ZMPSTE24: variants seen among roughly 807,000 people sequenced by gnomAD.
ZMPSTE24 encodes the protein zinc metallopeptidase STE24.
In ZMPSTE24, 48 loss-of-function variants were observed where a neutral mutation model predicts 56.7. The ratio of observed to expected loss-of-function variants is 0.85; its 90% CI spans 0.67 to 1.08. ZMPSTE24 has a LOEUF of 1.08. Among genes scored for constraint, ZMPSTE24 ranks in the 50% least tolerant of loss-of-function variants. The pLI, the probability that ZMPSTE24 is intolerant of heterozygous loss-of-function variation, is 0.00. For synonymous variants in ZMPSTE24, 172 were observed against 195.2 expected (o/e 0.88, Z 0.99); for missense variants, 503 against 548.7 (o/e 0.92, Z 0.83).
chr1:40,260,803 CTA>C, intron 1 of ZMPSTE24, 34 bp from the exon 2 acceptor site: 3 of 1,597,882 alleles, frequency 1.9e-6, no homozygotes, highest in Non-Finnish European at 2.6e-6. Context: ...TAATAAACAA[CTA>C]TTTCACTAAA....
intron 5 of ZMPSTE24, among the ~76,000 whole-genome samples, chr1:40,270,511 GAGAA>G (rs1643603479): frequency 6.6e-6 from 1 of 152,284 alleles, no homozygotes; most frequent in South Asian, 2.1e-4. Flanking sequence ...AGAGGGACAA[GAGAA>G]AGAAAGCATA....
chr1:40,281,198 G>C, intron 6 of ZMPSTE24, 145 bp from the exon 7 acceptor site: 2 of 822,846 alleles, frequency 2.4e-6, no homozygotes, highest in Non-Finnish European at 3.9e-6. Context: ...TGCTGGTGGT[G>C]AATTATGTTG....
At chr1:40,270,436 T>G (rs1346894625) in intron 5 of ZMPSTE24, among the ~76,000 whole-genome samples, 1 of 152,314 alleles carries the variant, frequency 6.6e-6, no homozygotes, top group African/African-American at 2.4e-5. Context: ...GTGTGATAAT[T>G]TAATGACTCC....
At chr1:40,287,826 C>G (rs1643802767) in intron 8 of ZMPSTE24, among the ~76,000 whole-genome samples, 1 of 152,056 alleles carries the variant, frequency 6.6e-6, no homozygotes, top group African/African-American at 2.4e-5. Flanking sequence ...ATCATGTTGA[C>G]TAGTTCTGAG....
At chr1:40,273,535 AAAATATATATAT>A (rs1471410488) in intron 6 of ZMPSTE24, among the ~76,000 whole-genome samples, 3 of 45,486 alleles carry the variant, frequency 6.6e-5, no homozygotes, top group Non-Finnish European at 1.1e-4. Context: ...AAAAAAAAAA[AAAATATATATAT>A]ATATATATAT....
intron 2 of ZMPSTE24, chr1:40,262,901 A>C: frequency 9.1e-7 from 1 of 1,096,490 alleles, no homozygotes; most frequent in Non-Finnish European, 1.1e-6. Flanking sequence ...TTCTTGTTCT[A>C]TACTGATTAA....
intron 8 of ZMPSTE24, 191 bp from the exon 9 acceptor site, chr1:40,290,663 C>T (rs1451277786): frequency 7.9e-6 from 4 of 506,196 alleles, no homozygotes; most frequent in Admixed American, 3.4e-5. Flanking sequence ...GGGGTTTCAC[C>T]ATGTTAGCCA....
At position 40,285,539 on chromosome 1, in the gene ZMPSTE24, C is replaced by T. The variant is rs368891354; in HGVS notation, c.955-386C>T. On this transcript the variant is annotated intron_variant, in intron 7 of 9. Coordinates refer to ENST00000372759, the MANE Select transcript of ZMPSTE24 (RefSeq NM_005857.5). ...ACAGGCGTGAGCCACTGCAATTGGC[C>T]CTAATCTTTGAAAACAAAATTTCTA... is the stretch of plus-strand genomic sequence containing the variant. Among the ~76,000 whole-genome samples the T allele has an allele frequency of 7.9e-5, 12 of 152,308 alleles. 1 individual carries two copies. The South Asian group carries it at 2.1e-3, about 26-fold the overall frequency.
rs1018995730 is a variant in ZMPSTE24 at position 40,291,092 on chromosome 1, G to A, written c.1203+95G>A. ...GTGAAAAAGGAAATAGAACAGTACA[G>A]TTTTAACAAATAGATGAAACAAAGT... On this transcript the variant is annotated intron_variant, in intron 9 of 9. Coordinates refer to ENST00000372759, the MANE Select transcript of ZMPSTE24 (RefSeq NM_005857.5). 4.0e-6 allele frequency: 6 copies of A among 1,484,356 alleles called. No homozygotes were observed. The East Asian group carries it at 6.8e-5, about 17-fold the overall frequency. The allele number at this position is 1,484,356 out of a possible 1,614,324, so 91.9% of individuals were successfully genotyped here.
intron 2 of ZMPSTE24, among the ~76,000 whole-genome samples, chr1:40,264,493 G>C (rs1405457167): frequency 1.3e-5 from 2 of 152,116 alleles, no homozygotes; most frequent in Non-Finnish European, 2.9e-5. Flanking sequence ...CAACCTCTCA[G>C]TTAAAGTAAC....
At chr1:40,265,513 G>A (rs977122505) in intron 2 of ZMPSTE24, among the ~76,000 whole-genome samples, 14 of 152,076 alleles carry the variant, frequency 9.2e-5, no homozygotes, top group African/African-American at 2.9e-4. Flanking sequence ...GCCAGCCTGG[G>A]CAACATAGTG....
At chr1:40,262,768 C>T in intron 2 of ZMPSTE24, 1 of 1,127,836 alleles carries the variant, frequency 8.9e-7, no homozygotes. Flanking sequence ...CTTCTTTCTG[C>T]AGTTGATGTC....
rs1379055255 is a variant in ZMPSTE24 at position 40,292,629 on chromosome 1, TAG to T, written c.1394_1395del (p.Arg465ThrfsTer56). The T allele has an allele frequency of 6.2e-7, 1 of 1,614,106 alleles. No individual in the cohort carries two copies. The highest frequency in any genetic ancestry group is 2.2e-5 in the East Asian group (1 of 44,866). On this transcript the variant is annotated frameshift_variant, in exon 10 of 10. Transcript: ENST00000372759. LOFTEE classifies it high-confidence loss of function. ...TGGCATTATTCTCATCCTCCACTGC[TAG>T]AGAGACTTCAAGCTTTGAAAACTAT...
chr1:40,287,760 C>A (rs558133722), intron 8 of ZMPSTE24, among the ~76,000 whole-genome samples: 1 of 151,926 alleles, frequency 6.6e-6, no homozygotes, highest in African/African-American at 2.4e-5. Flanking sequence ...TTCCTCTTCT[C>A]GGTTCTAGAA....
Position 40,269,348 on chromosome 1 carries a change from T to C in ZMPSTE24, c.475-627T>C, listed in dbSNP as rs563411350. ...AGGTTGAGGCTACGGTGAGCCATCA[T>C]TGTGCCACTGTACTCCAACCTGGGC... On this transcript the variant is annotated intron_variant, in intron 4 of 9. Transcript: ENST00000372759. Among the ~76,000 whole-genome samples, 20 of 152,096 alleles carry C rather than the reference T, an allele frequency of 1.3e-4. 1 individual carries two copies. In the East Asian group the frequency reaches 1.5e-3, roughly 12 times the overall value.
rs112554449 is a variant in ZMPSTE24, at chr1:40,278,910, A to G, written c.770-2433A>G. 4.2e-3 allele frequency among the ~76,000 whole-genome samples: 639 copies of G among 152,338 alleles called. 5 individuals are homozygous for G. Among genetic ancestry groups the G allele is most frequent in the South Asian group, 0.019 (94 of 4,824 alleles). On this transcript the variant is annotated intron_variant, in intron 6 of 9. Transcript: ENST00000372759. Reference sequence around the variant, plus strand: ...ACACCTGTAATCCCAGCACTTTGGGATGCCAAGGCAGGAGAATTGCTTGAG... The same window carrying G: ...ACACCTGTAATCCCAGCACTTTGGGGTGCCAAGGCAGGAGAATTGCTTGAG...
chr1:40,281,389 C>G lies in ZMPSTE24; in HGVS notation c.816C>G (p.Phe272Leu), dbSNP rs1376131588. 17 of 1,613,928 alleles carry G rather than the reference C, an allele frequency of 1.1e-5. No individual in the cohort carries two copies. Among genetic ancestry groups the G allele is most frequent in the Non-Finnish European group, 1.4e-5 (17 of 1,179,994 alleles). The change falls in exon 7 of 10, where the codon TTC becomes TTG. Residue 272 changes from phenylalanine (F) to leucine (L), a missense_variant. Physicochemically the swap from Phe to Leu is conservative, Grantham distance 22. Coordinates refer to ENST00000372759, the MANE Select transcript of ZMPSTE24 (RefSeq NM_005857.5). ...SHSNAYFYGF[F>L]KNKRIVLFDT... Reference sequence around the variant, plus strand: ...GCAATGCTTATTTTTATGGCTTCTTCAAGAACAAGCGAATAGTTTTGTTTG... The same window carrying G: ...GCAATGCTTATTTTTATGGCTTCTTGAAGAACAAGCGAATAGTTTTGTTTG...
chr1:40,286,411 T>C (rs188150668), intron 8 of ZMPSTE24, among the ~76,000 whole-genome samples: 105 of 152,288 alleles, frequency 6.9e-4, no homozygotes, highest in Admixed American at 2.7e-3. Flanking sequence ...AAAATGCTTT[T>C]TAAAATTAAA....
chr1:40,283,662 C>T (rs1441219966), intron 7 of ZMPSTE24, among the ~76,000 whole-genome samples: 1 of 152,146 alleles, frequency 6.6e-6, no homozygotes, highest in Non-Finnish European at 1.5e-5. Context: ...ATATGCATCA[C>T]ACTGTTTTCA....
Sources: allele counts gnomAD v4.1 joint callset (sites outside exome capture counted in the v4.1 genomes callset), GRCh38; gene constraint gnomAD v4.1.1; transcripts MANE v1.5; gene names NCBI Gene and HGNC (gene_info 2026-07-23, HGNC 2026-07-21).